Variants in GNAZ observed in about 807,000 individuals in gnomAD.
The protein encoded by GNAZ is guanine nucleotide-binding protein G(z) subunit alpha.
In GNAZ, 3 loss-of-function variants were observed where a neutral mutation model predicts 25.4. The observed-to-expected ratio is 0.12, with a 90% confidence interval of 0.05 to 0.30. The LOEUF (loss-of-function observed/expected upper bound fraction) is 0.30. Among genes scored for constraint, GNAZ ranks in the 10% least tolerant of loss-of-function variants. The pLI is 1.00. For synonymous variants in GNAZ, 211 were observed against 205.7 expected (o/e 1.03, Z -0.22); for missense variants, 241 against 501.8 (o/e 0.48, Z 4.97).
chr22:23,072,936 A>C (rs1256754904), intron 1 of GNAZ, among the ~76,000 whole-genome samples: 1 of 152,192 alleles, frequency 6.6e-6, no homozygotes, highest in Non-Finnish European at 1.5e-5. Flanking sequence ...TTTGCAGGTA[A>C]CTGGATTGAC....
At chr22:23,078,361 G>A (rs1470878098) in intron 1 of GNAZ, among the ~76,000 whole-genome samples, 1 of 152,268 alleles carries the variant, frequency 6.6e-6, no homozygotes, top group East Asian at 1.9e-4. Context: ...CACCACGCAC[G>A]CAAGCACAGC....
At chr22:23,112,111 C>T (rs1266036965) in intron 2 of GNAZ, among the ~76,000 whole-genome samples, 1 of 152,156 alleles carries the variant, frequency 6.6e-6, no homozygotes, top group Non-Finnish European at 1.5e-5. Flanking sequence ...ACACAGGCAC[C>T]CTCAGCCTCC....
chr22:23,083,970 C>T (rs1569165175), intron 1 of GNAZ, among the ~76,000 whole-genome samples: 2 of 151,872 alleles, frequency 1.3e-5, no homozygotes, highest in African/African-American at 4.9e-5. Flanking sequence ...GAACAGGGCA[C>T]TGTGAGTGTG....
chr22:23,071,851 G>A lies in GNAZ; in HGVS notation c.-450+1281G>A, dbSNP rs547824260. On this transcript the variant is annotated intron_variant, in intron 1 of 2. Transcript: ENST00000615612. The surrounding 1 kb of genome is among the most constrained non-coding windows in gnomAD (Gnocchi z 4.1). The stretch of plus-strand genomic sequence containing the variant: ...GTGGGCAGAGAGGAGAGAATAGACC[G>A]AGGCACTTGGGCAGTTAGGTCTGAT... Among the ~76,000 whole-genome samples, 4 of 152,314 alleles carry A rather than the reference G, an allele frequency of 2.6e-5. No individual in the cohort carries two copies. The South Asian group carries it at 6.2e-4, about 24-fold the overall frequency.
At chr22:23,111,694 T>TA (rs551834011) in intron 2 of GNAZ, among the ~76,000 whole-genome samples, 6 of 152,134 alleles carry the variant, frequency 3.9e-5, no homozygotes, top group Non-Finnish European at 5.9e-5. Context: ...GTGGGAGAAT[T>TA]AGGTTTCAGA....
intron 1 of GNAZ, among the ~76,000 whole-genome samples, chr22:23,090,484 C>T (rs1254442419): frequency 6.6e-6 from 1 of 152,186 alleles, no homozygotes; most frequent in Admixed American, 6.5e-5. Flanking sequence ...GCTGGTCACA[C>T]AGGGCAGGTC....
At chr22:23,092,521 G>A (rs930596303) in intron 1 of GNAZ, among the ~76,000 whole-genome samples, 5 of 152,158 alleles carry the variant, frequency 3.3e-5, no homozygotes, top group African/African-American at 7.2e-5. Context: ...GTGACTGTTC[G>A]TCACTGCCCC....
intron 1 of GNAZ, among the ~76,000 whole-genome samples, chr22:23,076,839 C>T (rs1039363304): frequency 5.3e-5 from 8 of 152,332 alleles, no homozygotes; most frequent in Middle Eastern, 3.4e-3. Context: ...GCCTCTCAGG[C>T]CAGTAGAGGA....
At chr22:23,091,996 G>A (rs1444756697) in intron 1 of GNAZ, among the ~76,000 whole-genome samples, 1 of 152,114 alleles carries the variant, frequency 6.6e-6, no homozygotes, top group African/African-American at 2.4e-5. Flanking sequence ...CCTCTGCCTG[G>A]CACACTCTTT....
At chr22:23,103,484 C>T (rs1042563047) in intron 2 of GNAZ, among the ~76,000 whole-genome samples, 1 of 152,208 alleles carries the variant, frequency 6.6e-6, no homozygotes, top group Non-Finnish European at 1.5e-5. Context: ...CCAGTGACTC[C>T]CAGCTCTGAC....
At chr22:23,074,360 T>C (rs2068456441) in intron 1 of GNAZ, among the ~76,000 whole-genome samples, 1 of 152,192 alleles carries the variant, frequency 6.6e-6, no homozygotes, top group South Asian at 2.1e-4. Flanking sequence ...ATTTGTTTTT[T>C]TAAAGCTGCA....
In GNAZ at chr22:23,124,475, C is replaced by T. The variant is rs2070122764; in HGVS notation, c.*1044C>T. 1 of 417,948 alleles carries T rather than the reference C, an allele frequency of 2.4e-6. No individual in the cohort carries two copies. The highest frequency in any genetic ancestry group is 5.1e-6 in the Non-Finnish European group (1 of 197,582). 25.9% of individuals were successfully genotyped at this position (417,948 alleles called of 1,614,324 possible). Reference sequence around the variant, plus strand: ...TGTTGTACATAAGCCTCTGCAGTGTCCTCTTGTTAATGGTGGGGTTTTCTG... The same window carrying T: ...TGTTGTACATAAGCCTCTGCAGTGTTCTCTTGTTAATGGTGGGGTTTTCTG... On this transcript the variant is annotated 3_prime_UTR_variant, in exon 3 of 3. Coordinates refer to ENST00000615612, the MANE Select transcript of GNAZ (RefSeq NM_002073.4).
chr22:23,098,339 C>G (rs8139779), intron 2 of GNAZ, among the ~76,000 whole-genome samples: 37,223 of 152,258 alleles, frequency 0.24, 4,800 homozygotes, highest in East Asian at 0.35. Flanking sequence ...AGCCCGGCAC[C>G]TGCTTACTCC....
At chr22:23,100,285 G>A (rs2146329597) in intron 2 of GNAZ, among the ~76,000 whole-genome samples, 1 of 152,366 alleles carries the variant, frequency 6.6e-6, no homozygotes, top group East Asian at 1.9e-4. Flanking sequence ...AGAGCTGGCA[G>A]GCAGCAGTTC....
chr22:23,072,571 T>C lies in GNAZ; in HGVS notation c.-450+2001T>C, dbSNP rs377113620. Among the ~76,000 whole-genome samples the C allele has an allele frequency of 1.3e-4, 20 of 152,346 alleles. No individual in the cohort carries two copies. In the South Asian group the frequency reaches 3.7e-3, roughly 28 times the overall value. Reference sequence around the variant, plus strand: ...AGGGGCTGTTTGTTACTCATCTTTGTAGTGTGCCTACCCTCCCCACCCAAC... The same window carrying C: ...AGGGGCTGTTTGTTACTCATCTTTGCAGTGTGCCTACCCTCCCCACCCAAC... On this transcript the variant is annotated intron_variant, in intron 1 of 2. Coordinates refer to ENST00000615612, the MANE Select transcript of GNAZ (RefSeq NM_002073.4).
In GNAZ at chr22:23,095,464, G is replaced by T. The variant is rs1176963722; in HGVS notation, c.-232G>T. 1 of 550,386 alleles carries T rather than the reference G, an allele frequency of 1.8e-6. No homozygotes were observed. The highest frequency in any genetic ancestry group is 3.4e-5 in the Admixed American group (1 of 29,508). 34.1% of individuals were successfully genotyped at this position (550,386 alleles called of 1,614,324 possible). A position where few individuals can be genotyped will look rare whatever the true frequency, so the allele number is the denominator to read the frequency against. ...AGGCCACTTTGCCAACTAGGGAGGT[G>T]GAGTGTCACTAGTGGGGAGGGGCGG... is the stretch of plus-strand genomic sequence containing the variant. On this transcript the variant is annotated 5_prime_UTR_variant, in exon 2 of 3. Transcript: ENST00000615612.
chr22:23,119,000 G>A (rs566118407), intron 2 of GNAZ, among the ~76,000 whole-genome samples: 1 of 152,306 alleles, frequency 6.6e-6, no homozygotes, highest in African/African-American at 2.4e-5. Flanking sequence ...GCATGGACAG[G>A]TCAGAGGGCT....
At chr22:23,082,819 A>G (rs545397487) in intron 1 of GNAZ, among the ~76,000 whole-genome samples, 2 of 152,288 alleles carry the variant, frequency 1.3e-5, no homozygotes, top group South Asian at 4.1e-4. Context: ...GATGGGCCTG[A>G]GGACCAGGAG....
chr22:23,081,975 A>G (rs986590117), intron 1 of GNAZ, among the ~76,000 whole-genome samples: 6 of 151,022 alleles, frequency 4.0e-5, no homozygotes, highest in African/African-American at 9.7e-5. Context: ...AATACAAAAA[A>G]TTAGCTGGGT....
Sources: allele counts gnomAD v4.1 joint callset (sites outside exome capture counted in the v4.1 genomes callset), GRCh38; gene constraint gnomAD v4.1.1; non-coding constraint Gnocchi (gnomAD v3.1); transcripts MANE v1.5; gene names NCBI Gene and HGNC (gene_info 2026-07-23, HGNC 2026-07-21).